Variants in SBNO2 observed in about 807,000 individuals in gnomAD.
The protein encoded by SBNO2 is strawberry notch homolog 2.
A neutral mutation model predicts 146.3 loss-of-function variants in SBNO2; 89 were observed. The ratio of observed to expected loss-of-function variants is 0.61; its 90% CI spans 0.51 to 0.73. SBNO2 has a LOEUF of 0.73. SBNO2 is among the 30% of genes least tolerant of loss of function. The probability of loss-of-function intolerance (pLI) is 0.00; values close to 1 mark genes in which losing one functional copy is unlikely to be tolerated. For synonymous variants in SBNO2, 1,147 were observed against 892.6 expected, an observed-to-expected ratio of 1.29 and a Z score of -5.08; for missense variants, 2,092 against 2,003.7, an observed-to-expected ratio of 1.04 and a Z score of -0.84.
chr19:1,135,741 G>C (rs1304399476), intron 4 of SBNO2, among the ~76,000 whole-genome samples: 1 of 152,192 alleles, frequency 6.6e-6, no homozygotes, highest in Non-Finnish European at 1.5e-5. Context: ...CTGCATTACA[G>C]GGAGGGAAAC....
At position 1,122,958 on chromosome 19, in the gene SBNO2, G is replaced by C; in HGVS notation, c.716C>G (p.Ala239Gly). 6.4e-7 allele frequency: 1 copy of C among 1,568,028 alleles called. No homozygotes were observed. Residue 239 changes from alanine (A) to glycine (G), a missense_variant, in exon 8 of 32, where the codon GCC becomes GGC. Transcript: ENST00000361757. ...VPPPDITYTL[A>G]LPSDSGALSA... ...CAGGGCCCCGCTGTCCGAGGGCAGG[G>C]CCAGGGTGTAGGTGATGTCTGGGGG...
At position 1,127,551 on chromosome 19, in the gene SBNO2, G is replaced by A. The variant is rs767826304; in HGVS notation, c.441+53C>T. ...CACTGGACCGTGTGGGTCCCGGGCTGGGGAGGCCACGCTGGTGGGTCGGGG... is the reference window on the plus strand; with the variant it reads ...CACTGGACCGTGTGGGTCCCGGGCTAGGGAGGCCACGCTGGTGGGTCGGGG... On this transcript the variant is annotated intron_variant, in intron 5 of 31. Coordinates refer to ENST00000361757, the MANE Select transcript of SBNO2 (RefSeq NM_014963.3). The A allele has an allele frequency of 1.3e-5, 20 of 1,564,752 alleles. No homozygotes were observed. In the Middle Eastern group the frequency reaches 6.4e-4, roughly 50 times the overall value.
intron 17 of SBNO2, 45 bp from the exon 18 acceptor site, chr19:1,114,467 T>C (rs1299571532): frequency 6.9e-7 from 1 of 1,449,982 alleles, no homozygotes; most frequent in South Asian, 1.4e-5. Context: ...CGCAGCAAGG[T>C]GGAGGAGCAG....
chr19:1,171,823 G>A (rs1184704195), intron 1 of SBNO2, among the ~76,000 whole-genome samples: 1 of 152,188 alleles, frequency 6.6e-6, no homozygotes, highest in Non-Finnish European at 1.5e-5. Flanking sequence ...CCCGCCAGGT[G>A]AGAGGGCAGT....
chr19:1,167,751 G>C (rs548148543), intron 1 of SBNO2, among the ~76,000 whole-genome samples: 2 of 152,314 alleles, frequency 1.3e-5, no homozygotes, highest in African/African-American at 4.8e-5. Flanking sequence ...CTCTGGGGCT[G>C]ACCCAGACCT....
chr19:1,156,660 G>A (rs1001629964), intron 1 of SBNO2, among the ~76,000 whole-genome samples: 23 of 152,130 alleles, frequency 1.5e-4, no homozygotes, highest in Non-Finnish European at 2.9e-4. Flanking sequence ...GCCAGAACAC[G>A]ACACAGCCAT....
intron 1 of SBNO2, among the ~76,000 whole-genome samples, chr19:1,170,282 C>T (rs1391782018): frequency 1.3e-5 from 2 of 152,224 alleles, no homozygotes; most frequent in African/African-American, 2.4e-5. Context: ...AGTCCTGGGC[C>T]CTGTGACGGG....
At position 1,141,085 on chromosome 19, in the gene SBNO2, T is replaced by TCCGGAGAAGACGCGCC. The variant is rs1568607314; in HGVS notation, c.279+6208_279+6223dup. ...AAGAGGCGCCCCGGAGAAGAGGCAC[T>TCCGGAGAAGACGCGCC]CCGGAGAAGACGCGCCCCGGAGAAC... On this transcript the variant is annotated intron_variant, in intron 4 of 31. Coordinates refer to ENST00000361757, the MANE Select transcript of SBNO2 (RefSeq NM_014963.3). 2.9e-5 allele frequency among the ~76,000 whole-genome samples: 4 copies of TCCGGAGAAGACGCGCC among 135,604 alleles called. No homozygotes were observed. In the South Asian group the frequency reaches 7.4e-4, roughly 25 times the overall value. 89.0% of individuals were successfully genotyped at this position (135,604 alleles called of 152,430 possible).
intron 3 of SBNO2, among the ~76,000 whole-genome samples, chr19:1,148,033 C>T (rs868682124): frequency 4.6e-5 from 7 of 152,046 alleles, no homozygotes; most frequent in African/African-American, 7.2e-5. Flanking sequence ...CACTCCGGCC[C>T]CCTTGGCCAG....
At chr19:1,119,822 C>A in intron 12 of SBNO2, 84 bp downstream of exon 12, 1 of 1,109,870 alleles carries the variant, frequency 9.0e-7, no homozygotes, top group Non-Finnish European at 1.3e-6. Flanking sequence ...AGGCTGAGTA[C>A]GCGTGTGGGA....
At chr19:1,161,906 CGGGGGGGGG>C (rs916715232) in intron 1 of SBNO2, among the ~76,000 whole-genome samples, 41 of 1,344 alleles carry the variant, frequency 0.031, 6 homozygotes, top group Admixed American at 0.13. Context: ...TGGGGAGCCG[CGGGGGGGGG>C]GGGGGGGGGG....
At position 1,107,987 on chromosome 19, in the gene SBNO2, A is replaced by G. The variant is rs2079691775; in HGVS notation, c.*233T>C. On this transcript the variant is annotated 3_prime_UTR_variant, in exon 32 of 32. Transcript: ENST00000361757. ...GAGCAGCCACCCGGAGCCCCTTCCTACTTGGGAGGAGAGGCACAGAGAGGG... is the reference window on the plus strand; with the variant it reads ...GAGCAGCCACCCGGAGCCCCTTCCTGCTTGGGAGGAGAGGCACAGAGAGGG... 3 of 328,126 alleles carry G rather than the reference A, an allele frequency of 9.1e-6. No individual in the cohort carries two copies. The South Asian group carries it at 1.8e-4, about 19-fold the overall frequency. 20.3% of individuals were successfully genotyped at this position (328,126 alleles called of 1,614,324 possible).
chr19:1,110,690 C>T lies in SBNO2; in HGVS notation c.3028+55G>A. 2.5e-6 allele frequency: 4 copies of T among 1,572,510 alleles called. No individual in the cohort carries two copies. Among genetic ancestry groups the T allele is most frequent in the African/African-American group, 1.4e-5 (1 of 73,968 alleles). ...GAGCCCACCCAGGATGCATGGCGTT[C>T]CCACGAGCCCCGCACCCACACCCAC... On this transcript the variant is annotated intron_variant, in intron 26 of 31. Transcript: ENST00000361757. This position sits in a 1 kb window ranked among gnomAD's most constrained non-coding sequence, Gnocchi z 4.9.
intron 14 of SBNO2, among the ~76,000 whole-genome samples, chr19:1,118,660 G>A (rs139965386): frequency 0.017 from 2,539 of 152,310 alleles, 72 homozygotes; most frequent in African/African-American, 0.057. Context: ...CTTGCGGTCA[G>A]GAGTTTGAAA....
intron 4 of SBNO2, among the ~76,000 whole-genome samples, chr19:1,130,160 G>A (rs528775521): frequency 4.3e-4 from 65 of 152,288 alleles, no homozygotes; most frequent in Non-Finnish European, 7.9e-4. Flanking sequence ...GGACATGGGG[G>A]AAACTGAGGC....
chr19:1,149,241 G>A (rs2080220510), intron 3 of SBNO2, 128 bp downstream of exon 3: 5 of 824,702 alleles, frequency 6.1e-6, no homozygotes, highest in Admixed American at 2.3e-5. Flanking sequence ...AGGACCACGT[G>A]CACACCACCC....
At chr19:1,159,200 C>T (rs1033195953) in intron 1 of SBNO2, among the ~76,000 whole-genome samples, 9 of 151,594 alleles carry the variant, frequency 5.9e-5, no homozygotes, top group Non-Finnish European at 7.4e-5. Context: ...GTGCAGGGGG[C>T]GGGGGCTGGC....
rs763428414 is a variant in SBNO2, at chr19:1,109,278, C to T, written c.3348+14G>A. The T allele has an allele frequency of 1.0e-5, 16 of 1,585,084 alleles. No homozygotes were observed. In the South Asian group the frequency reaches 1.3e-4, roughly 12 times the overall value. On this transcript the variant is annotated intron_variant, in intron 29 of 31. Transcript: ENST00000361757. This position sits in a 1 kb window ranked among gnomAD's most constrained non-coding sequence, Gnocchi z 4.2. ...CGGCAACCCGAGCGAAAGCTGCGCC[C>T]GGCGGCCGCCTACCCGGTGGAACTT...
chr19:1,168,631 C>G (rs1568652971), intron 1 of SBNO2: 1 of 152,316 alleles, frequency 6.6e-6, no homozygotes, highest in Non-Finnish European at 1.5e-5. Flanking sequence ...CCACCCGGCC[C>G]CTGGGCACCG....
Sources: gnomAD v4.1 joint callset for allele counts (sites outside exome capture counted in the v4.1 genomes callset) on GRCh38, gnomAD v4.1.1 for gene constraint, Gnocchi (gnomAD v3.1) non-coding constraint, MANE v1.5 for transcripts, NCBI Gene and HGNC (gene_info 2026-07-23, HGNC 2026-07-21) for gene names.